Variants in PRKD1 observed in about 807,000 individuals in gnomAD.
PRKD1 encodes protein kinase D1, also known as serine/threonine-protein kinase D1.
Under a neutral mutation model 95.9 loss-of-function variants are expected in PRKD1, and 63 were observed. The ratio of observed to expected loss-of-function variants is 0.66; its 90% confidence interval spans 0.54 to 0.81. The LOEUF is 0.81. Ranked by LOEUF, PRKD1 falls within the 30% of genes least tolerant of loss-of-function variation. The probability of loss-of-function intolerance (pLI) is 0.00; values close to 1 mark genes in which losing one functional copy is unlikely to be tolerated. For synonymous variants in PRKD1, 425 were observed against 423.1 expected (o/e 1.00, Z -0.05); for missense variants, 1,048 against 1,165.3 (o/e 0.90, Z 1.47).
At chr14:29,739,235 C>A (rs1886878895) in intron 1 of PRKD1, among the ~76,000 whole-genome samples, 1 of 152,194 alleles carries the variant, frequency 6.6e-6, no homozygotes, top group African/African-American at 2.4e-5. Context: ...TCCGGTTAGT[C>A]TTCTTCTCTA....
In PRKD1 at chr14:29,888,419, A is replaced by G. The variant is rs1893815637; in HGVS notation, c.264+38830T>C. On this transcript the variant is annotated intron_variant, in intron 1 of 17. Transcript: ENST00000331968. Reference sequence around the variant, plus strand: ...ATCACAGAAATGCAAGAAGGCCTATAGAAAGACATACCAACTTGTATACGG... The same window carrying G: ...ATCACAGAAATGCAAGAAGGCCTATGGAAAGACATACCAACTTGTATACGG... Among the ~76,000 whole-genome samples, 3 of 152,354 alleles carry G rather than the reference A, an allele frequency of 2.0e-5. No homozygotes were observed. In the South Asian group the frequency reaches 6.2e-4, roughly 32 times the overall value.
intron 1 of PRKD1, among the ~76,000 whole-genome samples, chr14:29,828,021 T>G (rs1455058824): frequency 6.6e-6 from 1 of 152,022 alleles, no homozygotes; most frequent in Non-Finnish European, 1.5e-5. Context: ...CACTTATCTA[T>G]TCCTACATTT....
At chr14:29,730,479 T>C (rs1190154349) in intron 1 of PRKD1, among the ~76,000 whole-genome samples, 1 of 152,042 alleles carries the variant, frequency 6.6e-6, no homozygotes. Flanking sequence ...ACTAAAAATA[T>C]AACTACCATA....
At chr14:29,577,562 C>CTG in intron 17 of PRKD1, 106 bp from the exon 18 acceptor site, 1 of 1,064,126 alleles carries the variant, frequency 9.4e-7, no homozygotes, top group Non-Finnish European at 1.4e-6. Context: ...TCTCCTTCCA[C>CTG]TCTAACAGCG....
At chr14:29,826,196 A>C (rs1824206544) in intron 1 of PRKD1, among the ~76,000 whole-genome samples, 1 of 137,408 alleles carries the variant, frequency 7.3e-6, no homozygotes, top group East Asian at 2.1e-4. Flanking sequence ...ATACATATAT[A>C]TGATGGAATA....
intron 4 of PRKD1, among the ~76,000 whole-genome samples, chr14:29,650,853 A>C (rs1881449716): frequency 6.6e-6 from 1 of 152,258 alleles, no homozygotes; most frequent in Non-Finnish European, 1.5e-5. Context: ...TAGAGACCTT[A>C]CAATATATGT....
At chr14:29,762,135 A>G (rs1283901979) in intron 1 of PRKD1, among the ~76,000 whole-genome samples, 1 of 152,150 alleles carries the variant, frequency 6.6e-6, no homozygotes, top group Non-Finnish European at 1.5e-5. Flanking sequence ...AAGTAACTTA[A>G]GCCAATTTGG....
intron 1 of PRKD1, among the ~76,000 whole-genome samples, chr14:29,754,885 T>C (rs575924261): frequency 6.6e-6 from 1 of 152,234 alleles, no homozygotes; most frequent in East Asian, 1.9e-4. Flanking sequence ...TTAGGGAGAT[T>C]GATATTTTTA....
rs143945548 is a variant in PRKD1, at chr14:29,863,384, A to G, written c.264+63865T>C. 3.5e-3 allele frequency among the ~76,000 whole-genome samples: 526 copies of G among 152,304 alleles called. 1 individual carries two copies. Among genetic ancestry groups the G allele is most frequent in the African/African-American group, 0.012 (500 of 41,568 alleles). On this transcript the variant is annotated intron_variant, in intron 1 of 17. Transcript: ENST00000331968. The stretch of plus-strand genomic sequence containing the variant: ...TGAAGTGGTTTTAACTAAATATTTC[A>G]CCAATATGAGGAAAATCCCACTCCC...
At chr14:29,708,742 C>T (rs571976110) in intron 2 of PRKD1, among the ~76,000 whole-genome samples, 1 of 152,142 alleles carries the variant, frequency 6.6e-6, no homozygotes, top group East Asian at 1.9e-4. Flanking sequence ...GTAGTCCCAG[C>T]TACGGAAGTG....
chr14:29,922,011 GT>G (rs2139140869), intron 1 of PRKD1, among the ~76,000 whole-genome samples: 1 of 152,242 alleles, frequency 6.6e-6, no homozygotes, highest in East Asian at 1.9e-4. Context: ...TTTTAAAAAG[GT>G]TTATAAGTCT....
chr14:29,606,444 C>T (rs868285702), intron 13 of PRKD1, among the ~76,000 whole-genome samples: 14 of 152,144 alleles, frequency 9.2e-5, no homozygotes, highest in Non-Finnish European at 1.0e-4. Context: ...TTAGGTACAA[C>T]CCCCTCAAAA....
At chr14:29,580,185 G>A (rs1025210535) in intron 16 of PRKD1, among the ~76,000 whole-genome samples, 5 of 152,132 alleles carry the variant, frequency 3.3e-5, no homozygotes, top group African/African-American at 7.2e-5. Flanking sequence ...AAAAGGTCTC[G>A]TTTGTGCCCA....
chr14:29,913,744 G>T (rs1460645393), intron 1 of PRKD1, among the ~76,000 whole-genome samples: 1 of 152,160 alleles, frequency 6.6e-6, no homozygotes, highest in African/African-American at 2.4e-5. Flanking sequence ...GTAAAGGAAA[G>T]CTAGGCATGC....
intron 1 of PRKD1, among the ~76,000 whole-genome samples, chr14:29,730,909 A>C (rs940078324): frequency 6.6e-6 from 1 of 152,122 alleles, no homozygotes; most frequent in Non-Finnish European, 1.5e-5. Flanking sequence ...AGTTAGGAGG[A>C]ATAAGTTCAA....
intron 1 of PRKD1, among the ~76,000 whole-genome samples, chr14:29,741,860 T>TAA (rs113284846): frequency 2.8e-4 from 42 of 152,106 alleles, no homozygotes; most frequent in African/African-American, 9.6e-4. Flanking sequence ...TGATTTTTTT[T>TAA]AAAAAAACTC....
chr14:29,817,312 T>C (rs1272942902), intron 1 of PRKD1, among the ~76,000 whole-genome samples: 1 of 152,138 alleles, frequency 6.6e-6, no homozygotes, highest in Admixed American at 6.5e-5. Flanking sequence ...CAAGGATGTG[T>C]GACAAACTGA....
At position 29,636,583 on chromosome 14, in the gene PRKD1, T is replaced by A. The variant is rs762666572; in HGVS notation, c.986-89A>T. 34 of 1,312,722 alleles carry A rather than the reference T, an allele frequency of 2.6e-5. No homozygotes were observed. The Admixed American group carries it at 6.2e-4, about 24-fold the overall frequency. The allele number at this position is 1,312,722 out of a possible 1,614,324, so 81.3% of individuals were successfully genotyped here. A position where few individuals can be genotyped will look rare whatever the true frequency, so the allele number is the denominator to read the frequency against. On this transcript the variant is annotated intron_variant, in intron 6 of 17. Coordinates refer to ENST00000331968, the MANE Select transcript of PRKD1 (RefSeq NM_002742.3). ...GTCAGGTGATCCTAAAACAAATCAA[T>A]TGGAAGCCCCAAAGAGGTAGTTCTG...
At chr14:29,606,931 C>T (rs1203753746) in intron 13 of PRKD1, among the ~76,000 whole-genome samples, 1 of 152,166 alleles carries the variant, frequency 6.6e-6, no homozygotes, top group East Asian at 1.9e-4. Flanking sequence ...GTTTGAATTC[C>T]AGCTCTGCCT....
Sources: allele counts gnomAD v4.1 joint callset (sites outside exome capture counted in the v4.1 genomes callset), GRCh38; gene constraint gnomAD v4.1.1; transcripts MANE v1.5; gene names NCBI Gene and HGNC (gene_info 2026-07-23, HGNC 2026-07-21).